TANC1: variants seen among roughly 807,000 people sequenced by gnomAD.
TANC1 encodes the protein protein TANC1.
In TANC1, 77 loss-of-function variants were observed where a neutral mutation model predicts 149.7. The ratio of observed to expected loss-of-function variants is 0.51; its 90% CI spans 0.43 to 0.62. The LOEUF (loss-of-function observed/expected upper bound fraction) is 0.62, where lower values mean the gene tolerates loss of function less well. Among genes scored for constraint, TANC1 ranks in the 20% least tolerant of loss-of-function variants. The pLI is 0.00. For missense variants in TANC1, 1,985 were observed against 2,321.8 expected, an observed-to-expected ratio of 0.85 and a Z score of 2.98; for synonymous variants, 854 against 925.0, an observed-to-expected ratio of 0.92 and a Z score of 1.39.
At chr2:159,122,489 T>C (rs968955007) in intron 4 of TANC1, among the ~76,000 whole-genome samples, 2 of 152,180 alleles carry the variant, frequency 1.3e-5, no homozygotes, top group African/African-American at 4.8e-5. Context: ...AACTTTTTTT[T>C]CTCATTGTAC....
In TANC1 at chr2:159,224,245, T is replaced by C; in HGVS notation, c.3692T>C (p.Val1231Ala). 1 of 1,614,110 alleles carries C rather than the reference T, an allele frequency of 6.2e-7. No homozygotes were observed. The highest frequency in any genetic ancestry group is 8.5e-7 in the Non-Finnish European group (1 of 1,180,032). The change falls in exon 23 of 27, where the codon GTG becomes GCG. Residue 1231 changes from valine to alanine, a missense_variant. Around this residue, in one of 3 missense-constraint regions of TANC1, gnomAD observed 920 missense variants for 994.7 expected, o/e 0.92. Transcript: ENST00000263635. ...CTGTCTCTGCAGGTGCTGTACCTGG[T>C]GGAGAAGGGAGCCGTGATCGAGCAT... Reference protein sequence around the residue: ...YGDAETVLYLVEKGAVIEHVD... With the variant: ...YGDAETVLYLAEKGAVIEHVD...
At chr2:159,171,277 T>C (rs548084669) in intron 10 of TANC1, among the ~76,000 whole-genome samples, 6 of 152,362 alleles carry the variant, frequency 3.9e-5, no homozygotes, top group African/African-American at 1.2e-4. Flanking sequence ...TTATTTCATA[T>C]GCAATAAACC....
chr2:159,210,427 G>C (rs2058906921), intron 19 of TANC1, among the ~76,000 whole-genome samples: 1 of 152,144 alleles, frequency 6.6e-6, no homozygotes, highest in African/African-American at 2.4e-5. Flanking sequence ...GTTGACAATT[G>C]AGTTTTTGCA....
intron 2 of TANC1, among the ~76,000 whole-genome samples, chr2:159,044,189 C>T (rs1458631817): frequency 5.3e-5 from 8 of 152,188 alleles, no homozygotes. Flanking sequence ...CCTGTAATCC[C>T]AGCACTTTGG....
intron 2 of TANC1, among the ~76,000 whole-genome samples, chr2:159,033,097 A>G (rs557003350): frequency 6.6e-6 from 1 of 152,324 alleles, no homozygotes; most frequent in South Asian, 2.1e-4. Flanking sequence ...CAAAAGGTTC[A>G]GTGGGATGTC....
chr2:159,003,927 TACATAGA>T, intron 2 of TANC1: 1 of 1,612,752 alleles, frequency 6.2e-7, no homozygotes, highest in Non-Finnish European at 8.5e-7. Context: ...AAGAAGGTGG[TACATAGA>T]ACAGCCACAG....
In TANC1 at chr2:159,019,775, C is replaced by G. The variant is rs147936052; in HGVS notation, c.-16+18586C>G. ...AGCTGGGACTACAGGTGCGTGCCAC[C>G]ATGTCTGGCTGAGTTTTGTATTTTT... On this transcript the variant is annotated intron_variant, in intron 2 of 26. Coordinates refer to ENST00000263635, the MANE Select transcript of TANC1 (RefSeq NM_033394.3). Among the ~76,000 whole-genome samples, 1,161 of 146,340 alleles carry G rather than the reference C, an allele frequency of 7.9e-3. 15 individuals carry two copies. The highest frequency in any genetic ancestry group is 0.035 in the Middle Eastern group (10 of 284).
intron 3 of TANC1, 133 bp downstream of exon 3, chr2:159,066,104 G>T: frequency 1.4e-6 from 1 of 740,304 alleles, no homozygotes; most frequent in Admixed American, 1.9e-5. Flanking sequence ...ACAGTGTGCT[G>T]GAGGCTATGA....
At chr2:159,169,505 A>G in intron 9 of TANC1, 133 bp downstream of exon 9, 1 of 935,080 alleles carries the variant, frequency 1.1e-6, no homozygotes, top group Non-Finnish European at 1.6e-6. Context: ...CTAAAAGCAT[A>G]TCTGTGAGGT....
rs1407240305 is a variant in TANC1 at position 158,979,473 on chromosome 2, G to A, written c.-126+10691G>A. Among the ~76,000 whole-genome samples the A allele has an allele frequency of 5.3e-5, 8 of 149,898 alleles. No homozygotes were observed. The South Asian group carries it at 8.4e-4, about 16-fold the overall frequency. On this transcript the variant is annotated intron_variant, in intron 1 of 26. Coordinates refer to ENST00000263635, the MANE Select transcript of TANC1 (RefSeq NM_033394.3). ...TACAGCACTGCATTCTAGCCTTGGC[G>A]ACAGAGCAAGTCCTTATCTCAAAAA...
chr2:158,994,950 C>T (rs569927057), intron 1 of TANC1, among the ~76,000 whole-genome samples: 1 of 152,332 alleles, frequency 6.6e-6, no homozygotes, highest in East Asian at 1.9e-4. Flanking sequence ...TGAAACATCA[C>T]TCCAAAGTGG....
intron 11 of TANC1, among the ~76,000 whole-genome samples, chr2:159,172,799 G>A (rs17422063): frequency 0.029 from 4,476 of 152,268 alleles, 87 homozygotes; most frequent in Non-Finnish European, 0.047. Flanking sequence ...CTCACCAACC[G>A]CACTCCTGCA....
intron 23 of TANC1, 140 bp from the exon 24 acceptor site, chr2:159,225,548 C>G (rs907252901): frequency 3.0e-6 from 2 of 677,536 alleles, no homozygotes; most frequent in Admixed American, 2.4e-5. Flanking sequence ...TCGCCGGCGT[C>G]CTGCTCCCTC....
At chr2:159,078,099 G>A (rs1005827865) in intron 3 of TANC1, among the ~76,000 whole-genome samples, 9 of 152,112 alleles carry the variant, frequency 5.9e-5, no homozygotes, top group African/African-American at 1.7e-4. Flanking sequence ...TTGTATCCTG[G>A]CTCCACAGTT....
At chr2:158,973,418 A>C (rs891579997) in intron 1 of TANC1, among the ~76,000 whole-genome samples, 1 of 152,196 alleles carries the variant, frequency 6.6e-6, no homozygotes, top group African/African-American at 2.4e-5. Flanking sequence ...TCATGCATGT[A>C]TACCCATGCA....
intron 2 of TANC1, among the ~76,000 whole-genome samples, chr2:159,052,001 G>A (rs2041511655): frequency 6.6e-6 from 1 of 152,088 alleles, no homozygotes; most frequent in Non-Finnish European, 1.5e-5. Flanking sequence ...CTGATTTAGG[G>A]CATACAGCTG....
At chr2:159,169,778 A>C (rs1383117127) in intron 9 of TANC1, among the ~76,000 whole-genome samples, 1 of 152,130 alleles carries the variant, frequency 6.6e-6, no homozygotes, top group East Asian at 1.9e-4. Flanking sequence ...GGATCACCTG[A>C]GGTCAGGAGT....
In TANC1 at chr2:159,149,175, C is replaced by G. The variant is rs184439905; in HGVS notation, c.398C>G (p.Pro133Arg). The change falls in exon 6 of 27, where the codon CCG (proline) becomes CGG (arginine). Residue 133 changes from proline to arginine, a missense_variant. Transcript: ENST00000263635. Reference sequence around the variant, plus strand: ...GCCGATAATGAACCGAGCTGTTCGCCGGCAGCTCAAGAACTGTTGACAAGG... The same window carrying G: ...GCCGATAATGAACCGAGCTGTTCGCGGGCAGCTCAAGAACTGTTGACAAGG... ...AKADNEPSCS[P>R]AAQELLTRLG... 5 of 1,610,178 alleles carry G rather than the reference C, an allele frequency of 3.1e-6. No homozygotes were observed. In the South Asian group the frequency reaches 4.4e-5, roughly 14 times the overall value.
chr2:159,000,157 G>A (rs1231104949), intron 1 of TANC1, among the ~76,000 whole-genome samples: 1 of 152,184 alleles, frequency 6.6e-6, no homozygotes, highest in East Asian at 1.9e-4. Context: ...CCCTAGCCAA[G>A]GATGAAAGGT....
Sources: gnomAD v4.1 joint callset for allele counts (sites outside exome capture counted in the v4.1 genomes callset) on GRCh38, gnomAD v4.1.1 for gene constraint, gnomAD v4.1.1 regional missense constraint, MANE v1.5 for transcripts, NCBI Gene and HGNC (gene_info 2026-07-23, HGNC 2026-07-21) for gene names.